Variants in PID1 observed in about 807,000 individuals in gnomAD.
PID1 encodes the protein phosphotyrosine interaction domain containing 1.
PID1 carries 10 observed loss-of-function variants against 19.1 expected under a neutral mutation model. That is an observed-to-expected ratio of 0.52 (90% confidence interval 0.32 to 0.89). PID1 has a LOEUF of 0.89. Ranked by LOEUF, PID1 falls within the 40% of genes least tolerant of loss-of-function variation. The pLI is 0.03. For missense variants in PID1, 248 were observed against 285.3 expected (o/e 0.87, Z 0.94); for synonymous variants, 130 against 116.0 (o/e 1.12, Z -0.78).
chr2:229,205,555 T>TAC (rs199962307), intron 1 of PID1, among the ~76,000 whole-genome samples: 8 of 151,694 alleles, frequency 5.3e-5, no homozygotes, highest in East Asian at 3.9e-4. Flanking sequence ...CACCACCTTT[T>TAC]ACACACACAC....
At chr2:229,076,187 T>G (rs1221265105) in intron 2 of PID1, among the ~76,000 whole-genome samples, 1 of 152,164 alleles carries the variant, frequency 6.6e-6, no homozygotes, top group Non-Finnish European at 1.5e-5. Context: ...AAGATGATTC[T>G]TAAGTAAATT....
chr2:229,125,558 A>T (rs1354732108), intron 2 of PID1, among the ~76,000 whole-genome samples: 1 of 152,192 alleles, frequency 6.6e-6, no homozygotes, highest in East Asian at 1.9e-4. Flanking sequence ...TGACAAAAAC[A>T]TCAAGAAAAA....
chr2:229,156,782 T>C (rs1033259274), intron 1 of PID1, among the ~76,000 whole-genome samples: 1 of 152,088 alleles, frequency 6.6e-6, no homozygotes, highest in Non-Finnish European at 1.5e-5. Flanking sequence ...AATTCCAAGT[T>C]CTTACCTTGG....
Position 229,260,915 on chromosome 2 carries a change from T to G in PID1, c.30+10099A>C, listed in dbSNP as rs567383722. Among the ~76,000 whole-genome samples, 14 of 151,046 alleles carry G rather than the reference T, an allele frequency of 9.3e-5. No individual in the cohort carries two copies. In the South Asian group the frequency reaches 1.7e-3, roughly 18 times the overall value. On this transcript the variant is annotated intron_variant, in intron 1 of 2. Transcript: ENST00000392055. ...AAGAAAATTCCACACTATTATAGAT[T>G]AAATTGTGTCCCTCTAAAATGTACA...
chr2:229,059,974 TTTTA>T (rs1694179440), intron 2 of PID1, among the ~76,000 whole-genome samples: 1 of 152,142 alleles, frequency 6.6e-6, no homozygotes, highest in Non-Finnish European at 1.5e-5. Context: ...ACCAGTTGAC[TTTTA>T]TTTATGTATT....
At chr2:229,216,009 G>A (rs2106253814) in intron 1 of PID1, among the ~76,000 whole-genome samples, 1 of 152,276 alleles carries the variant, frequency 6.6e-6, no homozygotes, top group East Asian at 1.9e-4. Flanking sequence ...AATACCAGGA[G>A]GAGTTCAGCA....
chr2:229,263,173 G>C (rs766480879), intron 1 of PID1, among the ~76,000 whole-genome samples: 1 of 152,060 alleles, frequency 6.6e-6, no homozygotes, highest in Non-Finnish European at 1.5e-5. Context: ...TTCACATATG[G>C]GCATAAACAA....
At chr2:229,146,496 T>A (rs1055611203) in intron 2 of PID1, among the ~76,000 whole-genome samples, 40 of 151,540 alleles carry the variant, frequency 2.6e-4, no homozygotes, top group African/African-American at 5.6e-4. Flanking sequence ...AAGTAAATTT[T>A]TAAAAAAAAA....
chr2:229,193,275 G>T (rs1443741574), intron 1 of PID1, among the ~76,000 whole-genome samples: 1 of 152,182 alleles, frequency 6.6e-6, no homozygotes, highest in Non-Finnish European at 1.5e-5. Context: ...TTCTTGGCTA[G>T]ACCCCTTGTC....
At chr2:229,093,384 C>T (rs186932091) in intron 2 of PID1, among the ~76,000 whole-genome samples, 72 of 152,034 alleles carry the variant, frequency 4.7e-4, no homozygotes, top group African/African-American at 1.5e-3. Flanking sequence ...TCGGCCTCCC[C>T]AAGTGCTGGG....
intron 2 of PID1, among the ~76,000 whole-genome samples, chr2:229,057,717 G>C (rs1019067488): frequency 7.2e-5 from 11 of 152,184 alleles, no homozygotes; most frequent in African/African-American, 2.7e-4. Flanking sequence ...GAACTGGTTA[G>C]CTTTAAGAAT....
intron 1 of PID1, among the ~76,000 whole-genome samples, chr2:229,208,524 A>C (rs1691658088): frequency 6.6e-6 from 1 of 152,222 alleles, no homozygotes; most frequent in African/African-American, 2.4e-5. Flanking sequence ...AAAGGCAGCC[A>C]CATTTTTATG....
At chr2:229,070,543 T>C (rs1274490394) in intron 2 of PID1, among the ~76,000 whole-genome samples, 2 of 152,180 alleles carry the variant, frequency 1.3e-5, no homozygotes, top group Non-Finnish European at 2.9e-5. Context: ...TATCCAGTAA[T>C]TTTGTGGCCC....
intron 2 of PID1, among the ~76,000 whole-genome samples, chr2:229,042,934 C>CT (rs1044180001): frequency 6.2e-4 from 92 of 147,442 alleles, no homozygotes; most frequent in Middle Eastern, 3.5e-3. Context: ...AGATTTTTTT[C>CT]TTTTTTTTAA....
chr2:229,168,556 T>A (rs547263055), intron 1 of PID1, among the ~76,000 whole-genome samples: 48 of 152,302 alleles, frequency 3.2e-4, no homozygotes, highest in African/African-American at 1.1e-3. Context: ...TACATGGTTT[T>A]TATCTCTTTG....
chr2:229,165,001 G>C (rs888132211), intron 1 of PID1, among the ~76,000 whole-genome samples: 1 of 152,200 alleles, frequency 6.6e-6, no homozygotes, highest in Non-Finnish European at 1.5e-5. Context: ...AGGTTAGAGT[G>C]CTGGTGCTCA....
At chr2:229,249,855 C>T (rs1166642598) in intron 1 of PID1, among the ~76,000 whole-genome samples, 1 of 138,376 alleles carries the variant, frequency 7.2e-6, no homozygotes, top group Non-Finnish European at 1.6e-5. Context: ...GCAGAGCAGG[C>T]GGCTGACAGA....
chr2:229,156,764 C>G (rs1216891961), intron 1 of PID1, among the ~76,000 whole-genome samples: 2 of 152,158 alleles, frequency 1.3e-5, no homozygotes, highest in African/African-American at 4.8e-5. Context: ...CCCATCTCCT[C>G]ATGGAAAAAT....
At chr2:229,246,368 A>G (rs777779119) in intron 1 of PID1, among the ~76,000 whole-genome samples, 1 of 152,198 alleles carries the variant, frequency 6.6e-6, no homozygotes, top group Non-Finnish European at 1.5e-5. Context: ...TAAAGGAAAT[A>G]ATGGAATATC....
Sources: allele counts gnomAD v4.1 joint callset (sites outside exome capture counted in the v4.1 genomes callset), GRCh38; gene constraint gnomAD v4.1.1; transcripts MANE v1.5; gene names NCBI Gene and HGNC (gene_info 2026-07-23, HGNC 2026-07-21).